Variants in PARVA observed in about 807,000 individuals in gnomAD.
The protein encoded by PARVA is alpha-parvin.
In PARVA, 25 loss-of-function variants were observed where a neutral mutation model predicts 52.6. The observed-to-expected ratio is 0.48, with a 90% CI of 0.35 to 0.66. PARVA has a LOEUF of 0.66. Ranked by LOEUF, PARVA falls within the 30% of genes least tolerant of loss-of-function variation. The probability of loss-of-function intolerance (pLI) is 0.01; values close to 1 mark genes in which losing one functional copy is unlikely to be tolerated. For synonymous variants in PARVA, 185 were observed against 179.1 expected (o/e 1.03, Z -0.26); for missense variants, 373 against 450.9 (o/e 0.83, Z 1.56).
At chr11:12,455,535 C>T (rs1291577409) in intron 1 of PARVA, among the ~76,000 whole-genome samples, 1 of 151,944 alleles carries the variant, frequency 6.6e-6, no homozygotes, top group Non-Finnish European at 1.5e-5. Flanking sequence ...TTTTTCTGTC[C>T]TTGGCCATTG....
intron 1 of PARVA, among the ~76,000 whole-genome samples, chr11:12,427,035 C>A (rs1940247093): frequency 6.6e-6 from 1 of 151,818 alleles, no homozygotes; most frequent in Non-Finnish European, 1.5e-5. Flanking sequence ...AGAAAAGAAA[C>A]AAAGTAGTAA....
chr11:12,484,493 G>A (rs1336641563), intron 4 of PARVA, among the ~76,000 whole-genome samples: 5 of 144,544 alleles, frequency 3.5e-5, no homozygotes, highest in African/African-American at 1.3e-4. Context: ...GCAGGAGGGT[G>A]GTTTTGTTTT....
chr11:12,495,354 C>T (rs183544686), intron 4 of PARVA, among the ~76,000 whole-genome samples: 1 of 152,226 alleles, frequency 6.6e-6, no homozygotes, highest in Admixed American at 6.5e-5. Flanking sequence ...CTTAGATAAA[C>T]CACAGTTACT....
At chr11:12,442,983 T>G (rs773309981) in intron 1 of PARVA, among the ~76,000 whole-genome samples, 4 of 150,944 alleles carry the variant, frequency 2.6e-5, no homozygotes, top group Non-Finnish European at 4.4e-5. Context: ...TGCCTCAGTC[T>G]CCCGAGTAGC....
At chr11:12,515,221 G>C (rs1334571371) in intron 10 of PARVA, among the ~76,000 whole-genome samples, 2 of 152,048 alleles carry the variant, frequency 1.3e-5, no homozygotes, top group Non-Finnish European at 2.9e-5. Context: ...GATATTTTGA[G>C]CCTGATGAAT....
At chr11:12,394,750 G>A (rs975801624) in intron 1 of PARVA, among the ~76,000 whole-genome samples, 8 of 152,126 alleles carry the variant, frequency 5.3e-5, no homozygotes, top group East Asian at 3.9e-4. Flanking sequence ...ACCCAGATCC[G>A]AGCACACTCA....
chr11:12,495,710 GA>G (rs1331349563), intron 4 of PARVA, among the ~76,000 whole-genome samples: 17 of 151,922 alleles, frequency 1.1e-4, no homozygotes, highest in African/African-American at 3.6e-4. Context: ...CACTCAGAAA[GA>G]GAAAAATCAC....
intron 5 of PARVA, among the ~76,000 whole-genome samples, chr11:12,499,466 A>T (rs1455094953): frequency 1.3e-5 from 2 of 151,676 alleles, no homozygotes; most frequent in African/African-American, 4.8e-5. Context: ...TCACAACAGT[A>T]ATTTTCATTA....
At chr11:12,389,151 G>C (rs1396024516) in intron 1 of PARVA, among the ~76,000 whole-genome samples, 1 of 152,180 alleles carries the variant, frequency 6.6e-6, no homozygotes, top group African/African-American at 2.4e-5. Context: ...TAAGGGGTAG[G>C]ATGGGAGGAT....
Position 12,515,285 on chromosome 11 carries a change from T to C in PARVA, c.867+1220T>C, listed in dbSNP as rs1941552900. ...GTGAGCTTCTGCCTTATACTTCTCT[T>C]TCAGTCATCTGGGTACCTCCTTTTA... On this transcript the variant is annotated intron_variant, in intron 10 of 12. Transcript: ENST00000334956. 2.0e-5 allele frequency among the ~76,000 whole-genome samples: 3 copies of C among 152,350 alleles called. No individual in the cohort carries two copies. The South Asian group carries it at 6.2e-4, about 32-fold the overall frequency.
chr11:12,489,993 G>T (rs1264502758), intron 4 of PARVA, among the ~76,000 whole-genome samples: 1 of 152,076 alleles, frequency 6.6e-6, no homozygotes, highest in Non-Finnish European at 1.5e-5. Flanking sequence ...AAGGCAGATG[G>T]ATCACAAGGT....
At chr11:12,471,261 T>C (rs545417628) in intron 1 of PARVA, among the ~76,000 whole-genome samples, 1 of 152,310 alleles carries the variant, frequency 6.6e-6, no homozygotes, top group African/African-American at 2.4e-5. Flanking sequence ...GAGGAGACAT[T>C]GAATAAGTGA....
intron 1 of PARVA, among the ~76,000 whole-genome samples, chr11:12,431,943 C>CA (rs1350829842): frequency 6.6e-6 from 1 of 152,196 alleles, no homozygotes; most frequent in African/African-American, 2.4e-5. Flanking sequence ...TTGGTCCTCA[C>CA]AGAGGTGAGG....
intron 1 of PARVA, among the ~76,000 whole-genome samples, chr11:12,436,642 G>A (rs1040561032): frequency 2.6e-5 from 4 of 152,204 alleles, no homozygotes; most frequent in Non-Finnish European, 5.9e-5. Flanking sequence ...CCAAGAAACA[G>A]TGTTTTGGGA....
chr11:12,384,778 A>G (rs1023521202), intron 1 of PARVA, among the ~76,000 whole-genome samples: 1 of 152,088 alleles, frequency 6.6e-6, no homozygotes, highest in Non-Finnish European at 1.5e-5. Flanking sequence ...ATGTGACTGG[A>G]GAAGAGAGTG....
chr11:12,452,398 T>A (rs1940634897), intron 1 of PARVA, among the ~76,000 whole-genome samples: 1 of 152,106 alleles, frequency 6.6e-6, no homozygotes, highest in Non-Finnish European at 1.5e-5. Context: ...AGTAGTTAGA[T>A]CTTCGTGATC....
intron 12 of PARVA, among the ~76,000 whole-genome samples, chr11:12,518,849 C>T (rs1284008875): frequency 6.6e-6 from 1 of 152,326 alleles, no homozygotes; most frequent in South Asian, 2.1e-4. Flanking sequence ...GAGCTGTGTC[C>T]CCGCCAGTCG....
At chr11:12,503,068 C>G (rs1941383376) in intron 5 of PARVA, among the ~76,000 whole-genome samples, 1 of 152,144 alleles carries the variant, frequency 6.6e-6, no homozygotes, top group African/African-American at 2.4e-5. Flanking sequence ...GTGACCCTGC[C>G]TTCTCTGGTG....
intron 9 of PARVA, 105 bp from the exon 10 acceptor site, chr11:12,513,892 T>G (rs1369118419): frequency 6.8e-6 from 7 of 1,028,194 alleles, no homozygotes; most frequent in Non-Finnish European, 1.0e-5. Flanking sequence ...GGCCTGATCC[T>G]CTGCTTTCAC....
Sources: gnomAD v4.1 joint callset for allele counts (sites outside exome capture counted in the v4.1 genomes callset) on GRCh38, gnomAD v4.1.1 for gene constraint, MANE v1.5 for transcripts, NCBI Gene and HGNC (gene_info 2026-07-23, HGNC 2026-07-21) for gene names.